MTO1: variants seen among roughly 807,000 people sequenced by gnomAD.
The protein encoded by MTO1 is mitochondrial tRNA translation optimization 1, also known as 5-taurinomethyluridine-[tRNA] synthase subunit MTO1, mitochondrial.
Under a neutral mutation model 71.6 loss-of-function variants are expected in MTO1, and 46 were observed. The ratio of observed to expected loss-of-function variants is 0.64; its 90% confidence interval spans 0.51 to 0.82. MTO1 has a LOEUF of 0.82. MTO1 is among the 40% of genes least tolerant of loss of function. MTO1 has a pLI of 0.00. For missense variants in MTO1, 773 were observed against 867.5 expected, an observed-to-expected ratio of 0.89 and a Z score of 1.37; for synonymous variants, 297 against 312.1, an observed-to-expected ratio of 0.95 and a Z score of 0.51.
rs1772141789 is a variant in MTO1, at chr6:73,500,849, G to A, written c.*114G>A. On this transcript the variant is annotated 3_prime_UTR_variant, in exon 12 of 12. Coordinates refer to ENST00000498286, the MANE Select transcript of MTO1 (RefSeq NM_012123.4). ...AAATAGCTTTATTAGGTTACTATGG[G>A]TTTGCCATTAATTTCTGAGTGGGAC... is the stretch of plus-strand genomic sequence containing the variant. The A allele has an allele frequency of 1.1e-6, 1 of 937,830 alleles. No homozygotes were observed. Among genetic ancestry groups the A allele is most frequent in the Non-Finnish European group, 1.4e-6 (1 of 696,790 alleles). 58.1% of individuals were successfully genotyped at this position (937,830 alleles called of 1,614,324 possible).
At chr6:73,490,642 A>G (rs1771778432) in intron 9 of MTO1, among the ~76,000 whole-genome samples, 1 of 151,702 alleles carries the variant, frequency 6.6e-6, no homozygotes, top group East Asian at 1.9e-4. Flanking sequence ...GCCTCTAACC[A>G]TGTTCTTTTT....
chr6:73,485,787 A>T (rs1349224350), intron 9 of MTO1, among the ~76,000 whole-genome samples: 1 of 152,152 alleles, frequency 6.6e-6, no homozygotes, highest in Non-Finnish European at 1.5e-5. Flanking sequence ...AGACATATAA[A>T]GCTAAAAAGA....
intron 9 of MTO1, among the ~76,000 whole-genome samples, chr6:73,491,769 A>T (rs1458646306): frequency 6.6e-6 from 1 of 152,228 alleles, no homozygotes; most frequent in African/African-American, 2.4e-5. Flanking sequence ...AATACATCTT[A>T]TTGAGGTGCT....
chr6:73,479,958 A>G lies in MTO1; in HGVS notation c.961A>G (p.Lys321Glu), dbSNP rs148667065. 115 of 1,612,760 alleles carry G rather than the reference A, an allele frequency of 7.1e-5. No individual in the cohort carries two copies. Among genetic ancestry groups the G allele is most frequent in the African/African-American group, 1.3e-5 (1 of 74,848 alleles). ...GPRYCPSIES[K>E]VLRFPNRLHQ... is the part of the protein sequence containing the mutation. ...TAGATACTGTCCCTCCATTGAATCA[A>G]AAGTTTTGCGTTTTCCAAACCGTCT... The change falls in exon 6 of 12, where the codon AAA becomes GAA. Residue 321 changes from lysine to glutamate, a missense_variant. Coordinates refer to ENST00000498286, the MANE Select transcript of MTO1 (RefSeq NM_012123.4).
At position 73,507,931 on chromosome 6, in the gene MTO1, C is replaced by G. The variant is rs1440659370; in HGVS notation, c.*7196C>G. 2 of 144,792 alleles carry G rather than the reference C, an allele frequency of 1.4e-5. No homozygotes were observed. Among genetic ancestry groups the G allele is most frequent in the Admixed American group, 7.2e-5 (1 of 13,876 alleles). 9.0% of individuals were successfully genotyped at this position (144,792 alleles called of 1,614,324 possible). ...GGCGGAGCTTGCAATGAGCCGAGAT[C>G]GCGCCACTGCACTCTAGCCTGGGCG... On this transcript the variant is annotated 3_prime_UTR_variant, in exon 12 of 12. Coordinates refer to ENST00000498286, the MANE Select transcript of MTO1 (RefSeq NM_012123.4).
At position 73,505,903 on chromosome 6, in the gene MTO1, A is replaced by C. The variant is rs948733576; in HGVS notation, c.*5168A>C. The C allele has an allele frequency of 2.6e-5, 4 of 152,182 alleles. No homozygotes were observed. The highest frequency in any genetic ancestry group is 9.6e-5 in the African/African-American group (4 of 41,456). 9.4% of individuals were successfully genotyped at this position (152,182 alleles called of 1,614,324 possible). A position where few individuals can be genotyped will look rare whatever the true frequency, so the allele number is the denominator to read the frequency against. The stretch of plus-strand genomic sequence containing the variant: ...AGAGTTCTGGAGATGGTTGATGGTG[A>C]TGGTTGCACAACAATTTGAATATTT... On this transcript the variant is annotated 3_prime_UTR_variant, in exon 12 of 12. Transcript: ENST00000498286.
chr6:73,480,801 C>T lies in MTO1; in HGVS notation c.1256C>T (p.Ala419Val), dbSNP rs925019140. 2 of 1,613,738 alleles carry T rather than the reference C, an allele frequency of 1.2e-6. No homozygotes were observed. Among genetic ancestry groups the T allele is most frequent in the African/African-American group, 1.3e-5 (1 of 74,986 alleles). Residue 419 changes from alanine (A) to valine (V), a missense_variant, in exon 7 of 12, where the codon GCT becomes GTT. Transcript: ENST00000498286. ...ACCACTGGTTATGAGGAAGCTGCAG[C>T]TCAAGTAAGAAGTTAAGATATTAAT... Reference protein sequence around the residue: ...NGTTGYEEAAAQGVIAGINAS... With the variant: ...NGTTGYEEAAVQGVIAGINAS...
chr6:73,478,694 A>C (rs1335806671), intron 4 of MTO1, among the ~76,000 whole-genome samples: 1 of 151,780 alleles, frequency 6.6e-6, no homozygotes, highest in East Asian at 1.9e-4. Context: ...ACCTGCCACC[A>C]TGCCTGGCTA....
At chr6:73,466,727 C>T in intron 3 of MTO1, 121 bp downstream of exon 3, 1 of 777,488 alleles carries the variant, frequency 1.3e-6, no homozygotes, top group Non-Finnish European at 2.1e-6. Context: ...ATTTTCTCTA[C>T]CTGGATGAGG....
At chr6:73,498,401 C>T (rs773622940) in intron 11 of MTO1, among the ~76,000 whole-genome samples, 5 of 150,636 alleles carry the variant, frequency 3.3e-5, no homozygotes, top group South Asian at 2.1e-4. Context: ...AGATAGTACA[C>T]GTGTATGGCT....
At chr6:73,486,964 A>G (rs956465300) in intron 9 of MTO1, among the ~76,000 whole-genome samples, 2 of 152,028 alleles carry the variant, frequency 1.3e-5, no homozygotes, top group East Asian at 3.9e-4. Context: ...CTCTATAATA[A>G]TAATAATAAA....
At position 73,461,948 on chromosome 6, in the gene MTO1, C is replaced by A. The variant is rs372395838; in HGVS notation, c.94C>A (p.Pro32Thr). ...LARLSSDSAAPRTPHFDVIVI... is the reference protein window; with the variant it reads ...LARLSSDSAATRTPHFDVIVI... Reference sequence around the variant, plus strand: ...ACGGTTGAGCAGTGACAGCGCGGCGCCCCGGACTCCGCACTTCGACGTGAT... The same window carrying A: ...ACGGTTGAGCAGTGACAGCGCGGCGACCCGGACTCCGCACTTCGACGTGAT... Residue 32 changes from proline to threonine, a missense_variant, in exon 1 of 12, where the codon CCC becomes ACC. Pro to Thr is a conservative substitution (Grantham distance 38, BLOSUM62 -1). Transcript: ENST00000498286. 3.7e-6 allele frequency: 6 copies of A among 1,614,140 alleles called. No individual in the cohort carries two copies. The highest frequency in any genetic ancestry group is 5.1e-6 in the Non-Finnish European group (6 of 1,180,048).
At position 73,466,226 on chromosome 6, in the gene MTO1, C is replaced by A. The variant is rs2150027197; in HGVS notation, c.235C>A (p.Pro79Thr). The stretch of plus-strand genomic sequence containing the variant: ...ATCTTTAGGTCAGATGTCATGTAAT[C>A]CTTCCTTTGGTGGCATCGGAAAGGG... ...VDTIGQMSCN[P>T]SFGGIGKGHL... The change falls in exon 2 of 12, where the codon CCT becomes ACT. Residue 79 changes from proline (P) to threonine (T), a missense_variant. Physicochemically the swap from Pro to Thr is conservative, Grantham distance 38 (BLOSUM62 -1). Transcript: ENST00000498286. 6.2e-6 allele frequency: 10 copies of A among 1,613,540 alleles called. No individual in the cohort carries two copies. Among genetic ancestry groups the A allele is most frequent in the Non-Finnish European group, 8.5e-6 (10 of 1,179,518 alleles).
intron 7 of MTO1, 127 bp from the exon 8 acceptor site, chr6:73,481,913 T>A (rs1374591277): frequency 1.1e-6 from 1 of 912,782 alleles, no homozygotes; most frequent in East Asian, 2.5e-5. Flanking sequence ...TCTACCTCTA[T>A]TATATCCCTT....
At chr6:73,471,408 T>G (rs1410046517) in intron 3 of MTO1, 2 of 451,804 alleles carry the variant, frequency 4.4e-6, no homozygotes, top group African/African-American at 2.0e-5. Context: ...GTTTATACCC[T>G]TAAATTGTTT....
chr6:73,488,825 C>T (rs890183809), intron 9 of MTO1, among the ~76,000 whole-genome samples: 3 of 151,976 alleles, frequency 2.0e-5, no homozygotes, highest in African/African-American at 7.2e-5. Flanking sequence ...GGCTGAAGCA[C>T]GAGAATTGCT....
At position 73,482,478 on chromosome 6, in the gene MTO1, C is replaced by A. The variant is rs1322658068; in HGVS notation, c.1495C>A (p.Gln499Lys). Reference protein sequence around the residue: ...GYKDAGCVSQQRYERACWMKS... With the variant: ...GYKDAGCVSQKRYERACWMKS... ...TAAAGACGCTGGCTGTGTGTCCCAA[C>A]AACGATATGAAAGAGCTTGTTGGAT... Residue 499 changes from glutamine to lysine, a missense_variant, in exon 9 of 12, where the codon CAA (glutamine) becomes AAA (lysine). Coordinates refer to ENST00000498286, the MANE Select transcript of MTO1 (RefSeq NM_012123.4). The A allele has an allele frequency of 6.2e-7, 1 of 1,613,198 alleles. No homozygotes were observed. The highest frequency in any genetic ancestry group is 8.5e-7 in the Non-Finnish European group (1 of 1,179,828).
At position 73,482,545 on chromosome 6, in the gene MTO1, T is replaced by C. The variant is rs1227977797; in HGVS notation, c.1562T>C (p.Ile521Thr). The C allele has an allele frequency of 6.2e-7, 1 of 1,612,292 alleles. No individual in the cohort carries two copies. Among genetic ancestry groups the C allele is most frequent in the Non-Finnish European group, 8.5e-7 (1 of 1,179,754 alleles). ...GAAGGCATTTCTGTGTTGAAATCTA[T>C]TGAGTTTTTGAGCTCTAAATGGAAA... The part of the protein sequence containing the change: ...LEEGISVLKS[I>T]EFLSSKWKKL... The change falls in exon 9 of 12, where the codon ATT becomes ACT. Residue 521 changes from isoleucine to threonine, a missense_variant. By Grantham distance (89) the Ile-to-Thr change is moderately conservative (BLOSUM62 -1). Transcript: ENST00000498286.
At chr6:73,488,232 G>T (rs11756742) in intron 9 of MTO1, among the ~76,000 whole-genome samples, 11,697 of 151,950 alleles carry the variant, frequency 0.077, 578 homozygotes, top group South Asian at 0.11. Context: ...GGAGTGCAGT[G>T]GTACAATCAT....
Sources: allele counts gnomAD v4.1 joint callset (sites outside exome capture counted in the v4.1 genomes callset), GRCh38; gene constraint gnomAD v4.1.1; transcripts MANE v1.5; gene names NCBI Gene and HGNC (gene_info 2026-07-23, HGNC 2026-07-21).